Variants in OPCML observed in about 807,000 individuals in gnomAD.
OPCML encodes the protein opioid-binding protein/cell adhesion molecule.
OPCML carries 13 observed loss-of-function variants against 37.8 expected under a neutral mutation model. That is an observed-to-expected ratio of 0.34 (90% CI 0.22 to 0.55). OPCML has a LOEUF of 0.55. Among genes scored for constraint, OPCML ranks in the 20% least tolerant of loss-of-function variants. The pLI is 0.91. For synonymous variants in OPCML, 176 were observed against 168.8 expected, an observed-to-expected ratio of 1.04 and a Z score of -0.33; for missense variants, 341 against 435.6, an observed-to-expected ratio of 0.78 and a Z score of 1.93.
intron 2 of OPCML, among the ~76,000 whole-genome samples, chr11:132,912,289 G>T (rs1944452445): frequency 1.3e-5 from 2 of 152,080 alleles, no homozygotes; most frequent in African/African-American, 4.8e-5. Flanking sequence ...ATATAGTATA[G>T]TACGTTGCAA....
intron 1 of OPCML, among the ~76,000 whole-genome samples, chr11:133,378,209 C>T (rs1243707861): frequency 6.6e-6 from 1 of 152,178 alleles, no homozygotes; most frequent in Non-Finnish European, 1.5e-5. Flanking sequence ...TTCCTTCCCT[C>T]TCCTAGGGCG....
At chr11:132,482,804 G>A (rs993695169) in intron 4 of OPCML, among the ~76,000 whole-genome samples, 29 of 150,038 alleles carry the variant, frequency 1.9e-4, no homozygotes, top group Non-Finnish European at 3.9e-4. Context: ...TATAAACAGA[G>A]CCAAAGACAA....
intron 1 of OPCML, chr11:133,004,764 C>G: frequency 1.0e-6 from 1 of 985,240 alleles, no homozygotes; most frequent in Non-Finnish European, 1.2e-6. Context: ...GACGCTGGCT[C>G]AGAAGCGAGA....
chr11:133,095,963 G>T (rs1214439522), intron 1 of OPCML, among the ~76,000 whole-genome samples: 1 of 151,906 alleles, frequency 6.6e-6, no homozygotes, highest in Admixed American at 6.6e-5. Context: ...AATATTAAAG[G>T]AAGTTATTTA....
At chr11:132,777,958 T>A (rs1438076799) in intron 2 of OPCML, among the ~76,000 whole-genome samples, 1 of 152,168 alleles carries the variant, frequency 6.6e-6, no homozygotes, top group African/African-American at 2.4e-5. Flanking sequence ...GCATTCCTCA[T>A]CTCTGGATCG....
intron 1 of OPCML, among the ~76,000 whole-genome samples, chr11:133,009,717 G>T (rs575721969): frequency 7.6e-4 from 116 of 152,302 alleles, no homozygotes; most frequent in Admixed American, 1.9e-3. Flanking sequence ...TCCCTCACAT[G>T]CGTAATTCAC....
intron 1 of OPCML, among the ~76,000 whole-genome samples, chr11:133,433,251 C>CAAAAAAAAAAAAAAAAAAAAAAAAA (rs71477795): frequency 6.6e-5 from 6 of 90,722 alleles, no homozygotes; most frequent in African/African-American, 2.3e-4. Flanking sequence ...GACTCCGTCT[C>CAAAAAAAAAAAAAAAAAAAAAAAAA]AAAAAAAAAA....
chr11:133,487,054 C>T (rs1947543973), intron 1 of OPCML, among the ~76,000 whole-genome samples: 2 of 152,040 alleles, frequency 1.3e-5, no homozygotes, highest in African/African-American at 4.8e-5. Flanking sequence ...ATTACATCAA[C>T]AGTTTTCTAA....
chr11:133,326,681 G>C (rs1318204916), intron 1 of OPCML, among the ~76,000 whole-genome samples: 1 of 134,508 alleles, frequency 7.4e-6, no homozygotes, highest in Non-Finnish European at 1.6e-5. Flanking sequence ...GGGGGTGGGG[G>C]TGTGAGTATG....
chr11:132,559,867 C>T (rs887942242), intron 3 of OPCML, among the ~76,000 whole-genome samples: 4 of 152,184 alleles, frequency 2.6e-5, no homozygotes, highest in African/African-American at 7.2e-5. Flanking sequence ...GGTTTTAAAA[C>T]CAGACTGTGA....
At chr11:133,018,516 C>T (rs1238502918) in intron 1 of OPCML, among the ~76,000 whole-genome samples, 9 of 152,166 alleles carry the variant, frequency 5.9e-5, no homozygotes, top group African/African-American at 1.9e-4. Flanking sequence ...TCAATTCAGA[C>T]GTGCCCTTTT....
At chr11:133,380,567 C>T (rs1314669415) in intron 1 of OPCML, among the ~76,000 whole-genome samples, 1 of 152,134 alleles carries the variant, frequency 6.6e-6, no homozygotes, top group African/African-American at 2.4e-5. Flanking sequence ...CTACATATTG[C>T]ATTATCTTAA....
intron 2 of OPCML, among the ~76,000 whole-genome samples, chr11:132,908,879 C>T (rs1944331899): frequency 6.6e-6 from 1 of 152,220 alleles, no homozygotes; most frequent in Admixed American, 6.5e-5. Context: ...TTCAGACCTG[C>T]AGGATTGAGG....
intron 1 of OPCML, among the ~76,000 whole-genome samples, chr11:133,001,323 C>A (rs951609510): frequency 7.2e-5 from 11 of 152,324 alleles, no homozygotes; most frequent in Non-Finnish European, 1.3e-4. Context: ...CACACCAATG[C>A]ATGGCCCCTT....
intron 1 of OPCML, among the ~76,000 whole-genome samples, chr11:133,239,559 G>A (rs1275407399): frequency 6.6e-6 from 1 of 152,232 alleles, no homozygotes; most frequent in Non-Finnish European, 1.5e-5. Context: ...CACAGCACAG[G>A]CCAACTTAGG....
chr11:133,003,489 C>G (rs1947050430), intron 1 of OPCML, among the ~76,000 whole-genome samples: 1 of 152,178 alleles, frequency 6.6e-6, no homozygotes, highest in Non-Finnish European at 1.5e-5. Flanking sequence ...ATTTAGGGCC[C>G]ACTCAGATAA....
chr11:133,503,346 T>C (rs1468417368), intron 1 of OPCML, among the ~76,000 whole-genome samples: 1 of 152,110 alleles, frequency 6.6e-6, no homozygotes, highest in Non-Finnish European at 1.5e-5. Flanking sequence ...TTTAGAAACA[T>C]GCAGGGTCAG....
chr11:132,682,371 CTCTA>C (rs1053577316), intron 2 of OPCML, among the ~76,000 whole-genome samples: 7 of 152,174 alleles, frequency 4.6e-5, no homozygotes, highest in African/African-American at 1.7e-4. Context: ...GAAGAAAATT[CTCTA>C]TCTCATTTAT....
intron 1 of OPCML, among the ~76,000 whole-genome samples, chr11:133,470,203 T>G (rs549061284): frequency 9.2e-5 from 14 of 152,210 alleles, no homozygotes; most frequent in African/African-American, 2.9e-4. Flanking sequence ...GATTATTATT[T>G]TTTTAATCCC....
Sources: allele counts gnomAD v4.1 joint callset (sites outside exome capture counted in the v4.1 genomes callset), GRCh38; gene constraint gnomAD v4.1.1; transcripts MANE v1.5; gene names NCBI Gene and HGNC (gene_info 2026-07-23, HGNC 2026-07-21).